The following ARID4A variants were observed in gnomAD, a reference collection of about 807,000 sequenced individuals.
The protein encoded by ARID4A is AT-rich interaction domain 4A.
Under a neutral mutation model 148.6 loss-of-function variants are expected in ARID4A, and 39 were observed. The ratio of observed to expected loss-of-function variants is 0.26; its 90% CI spans 0.20 to 0.34. The LOEUF (loss-of-function observed/expected upper bound fraction) is 0.34. Among genes scored for constraint, ARID4A ranks in the 10% least tolerant of loss-of-function variants. The pLI, the probability that ARID4A is intolerant of heterozygous loss-of-function variation, is 1.00. For synonymous variants in ARID4A, 475 were observed against 481.2 expected (o/e 0.99, Z 0.17); for missense variants, 1,265 against 1,449.1 (o/e 0.87, Z 2.06).
chr14:58,361,190 G>C, intron 19 of ARID4A, 148 bp downstream of exon 19: 1 of 1,291,466 alleles, frequency 7.7e-7, no homozygotes, highest in East Asian at 2.7e-5. Flanking sequence ...CACAGTACAG[G>C]TTGAGTATCC....
In ARID4A at chr14:58,359,170, C is replaced by G. The variant is rs1485011864; in HGVS notation, c.1892C>G (p.Pro631Arg). Residue 631 changes from proline (P) to arginine (R), a missense_variant, in exon 18 of 24, where the codon CCT becomes CGT. Coordinates refer to ENST00000355431, the MANE Select transcript of ARID4A (RefSeq NM_002892.4). ...EWVKADRIIW[P>R]LDKGGPKKKQ... ...GTGAAGGCTGACAGGATAATCTGGC[C>G]TTTGGACAAAGGTGGACCAAAGAAA... The G allele has an allele frequency of 2.5e-6, 4 of 1,586,020 alleles. No homozygotes were observed. The highest frequency in any genetic ancestry group is 3.4e-6 in the Non-Finnish European group (4 of 1,172,592).
Position 58,364,849 on chromosome 14 carries a change from A to G in ARID4A, c.2760A>G (p.Gln920=), listed in dbSNP as rs34854642. 4,510 of 1,614,110 alleles carry G rather than the reference A, an allele frequency of 2.8e-3. 110 individuals carry two copies. The African/African-American group carries it at 0.053, about 19-fold the overall frequency. The change falls in exon 20 of 24, where the codon CAA becomes CAG. Residue 920 remains glutamine, a synonymous_variant. Transcript: ENST00000355431. ...CATCATTGATAGCAGAGTCAAACCA[A>G]TGCATCCAACAACTGACTAGTGAAA... ...GMPSLIAESN[Q]CIQQLTSERF...
rs557566791 is a variant in ARID4A, at chr14:58,364,316, A to G, written c.2227A>G (p.Ile743Val). The G allele has an allele frequency of 5.2e-5, 82 of 1,570,314 alleles. No homozygotes were observed. In the South Asian group the frequency reaches 8.9e-4, roughly 17 times the overall value. ...DEENPKISAH[I>V]LKENDRTQMQ... ...AGAAAATCCAAAGATTTCTGCACAT[A>G]TATTAAAAGAAAATGATAGGACTCA... The change falls in exon 20 of 24, where the codon ATA (isoleucine) becomes GTA (valine). Residue 743 changes from isoleucine (I) to valine (V), a missense_variant. Ile to Val is a conservative substitution (Grantham distance 29). Coordinates refer to ENST00000355431, the MANE Select transcript of ARID4A (RefSeq NM_002892.4).
chr14:58,332,538 G>T (rs2033588672), intron 11 of ARID4A, among the ~76,000 whole-genome samples: 1 of 152,062 alleles, frequency 6.6e-6, no homozygotes, highest in African/African-American at 2.4e-5. Flanking sequence ...AGATTTAGTT[G>T]CTGAATCATT....
chr14:58,348,084 C>T (rs1170928440), intron 15 of ARID4A, among the ~76,000 whole-genome samples: 1 of 151,962 alleles, frequency 6.6e-6, no homozygotes, highest in Non-Finnish European at 1.5e-5. Context: ...TGTTTATATT[C>T]GATCAAGTCA....
chr14:58,371,943 C>T lies in ARID4A; in HGVS notation c.3728C>T (p.Ser1243Leu). ...TCATCAGACACTGGAATGAGTCCCT[C>T]ATCATCATCTCCCCCACAAAATGTA... ...SASSDTGMSP[S>L]SSSPPQNVLA... Residue 1243 changes from serine to leucine, a missense_variant, in exon 24 of 24, where the codon TCA (serine) becomes TTA (leucine). Ser to Leu is a moderately radical substitution (Grantham distance 145). Around this residue, in one of 9 missense-constraint regions of ARID4A, gnomAD observed 666 missense variants for 730.9 expected, o/e 0.91. Coordinates refer to ENST00000355431, the MANE Select transcript of ARID4A (RefSeq NM_002892.4). 1.2e-6 allele frequency: 2 copies of T among 1,612,992 alleles called. No individual in the cohort carries two copies. The highest frequency in any genetic ancestry group is 1.7e-6 in the Non-Finnish European group (2 of 1,179,016).
intron 5 of ARID4A, among the ~76,000 whole-genome samples, chr14:58,307,180 TTTC>T (rs753929817): frequency 3.3e-5 from 5 of 152,252 alleles, no homozygotes; most frequent in Admixed American, 6.5e-5. Context: ...TTTATACTTA[TTTC>T]TTGGTTTAAG....
At chr14:58,312,984 AGTT>A (rs1185778113) in intron 5 of ARID4A, among the ~76,000 whole-genome samples, 8 of 152,324 alleles carry the variant, frequency 5.3e-5, no homozygotes, top group African/African-American at 1.9e-4. Flanking sequence ...TGTATTTAGT[AGTT>A]GATCAGATCC....
chr14:58,314,839 C>G (rs1202676674), intron 5 of ARID4A, among the ~76,000 whole-genome samples: 2 of 152,290 alleles, frequency 1.3e-5, no homozygotes, highest in South Asian at 2.1e-4. Flanking sequence ...AAATCTTAGT[C>G]TGGGTTCAGT....
intron 5 of ARID4A, among the ~76,000 whole-genome samples, chr14:58,313,367 T>C (rs939977180): frequency 1.3e-5 from 2 of 152,168 alleles, no homozygotes; most frequent in African/African-American, 2.4e-5. Context: ...TCATAAGGAA[T>C]GCACAACCTA....
In ARID4A at chr14:58,372,431, T is replaced by G. The variant is rs535292274; in HGVS notation, c.*442T>G. ...TGGTGAGTAGGGGGTTTATGTTGTG[T>G]TTTTTTTCATTATCGTTTTTTTTAT... On this transcript the variant is annotated 3_prime_UTR_variant, in exon 24 of 24. Coordinates refer to ENST00000355431, the MANE Select transcript of ARID4A (RefSeq NM_002892.4). 938 of 230,576 alleles carry G rather than the reference T, an allele frequency of 4.1e-3. 6 individuals are homozygous for G. The highest frequency in any genetic ancestry group is 6.7e-3 in the Non-Finnish European group (780 of 116,658). The allele number at this position is 230,576 out of a possible 1,614,324, so 14.3% of individuals were successfully genotyped here. A position where few individuals can be genotyped will look rare whatever the true frequency, so the allele number is the denominator to read the frequency against.
intron 11 of ARID4A, among the ~76,000 whole-genome samples, chr14:58,336,409 G>C (rs971071597): frequency 6.6e-5 from 10 of 152,128 alleles, no homozygotes; most frequent in African/African-American, 2.4e-4. Context: ...AACCTATGTA[G>C]TCATTTTGAC....
chr14:58,331,996 C>T (rs1276773288), intron 11 of ARID4A, among the ~76,000 whole-genome samples: 121 of 5,218 alleles, frequency 0.023, 1 homozygote, highest in African/African-American at 0.036. Flanking sequence ...ATTTTCCCTA[C>T]CCCCCCCCCC....
intron 18 of ARID4A, among the ~76,000 whole-genome samples, chr14:58,360,016 A>G (rs565183166): frequency 1.3e-5 from 2 of 152,132 alleles, no homozygotes; most frequent in South Asian, 4.1e-4. Context: ...CAGTGAGCCA[A>G]GATCGCGCCA....
chr14:58,341,370 T>TA (rs2034110163), intron 11 of ARID4A, among the ~76,000 whole-genome samples: 2 of 152,358 alleles, frequency 1.3e-5, no homozygotes, highest in Admixed American at 6.5e-5. Context: ...GTTTCATGCT[T>TA]ACGCTGTTTG....
intron 7 of ARID4A, among the ~76,000 whole-genome samples, chr14:58,321,525 C>T (rs999672224): frequency 1.3e-5 from 2 of 152,060 alleles, no homozygotes; most frequent in Non-Finnish European, 2.9e-5. Context: ...ATCCTAGGCT[C>T]ATGTTAATTT....
At chr14:58,333,843 G>C (rs1287407624) in intron 11 of ARID4A, among the ~76,000 whole-genome samples, 1 of 151,912 alleles carries the variant, frequency 6.6e-6, no homozygotes, top group African/African-American at 2.4e-5. Context: ...ATGCTAAATT[G>C]GTGGAATTTA....
intron 16 of ARID4A, chr14:58,351,803 T>A (rs2034651252): frequency 6.6e-6 from 1 of 152,344 alleles, no homozygotes; most frequent in South Asian, 2.1e-4. Flanking sequence ...CCCCTGATTC[T>A]AGTTTGGAAA....
At chr14:58,369,508 C>T (rs916042173) in intron 23 of ARID4A, among the ~76,000 whole-genome samples, 7 of 151,532 alleles carry the variant, frequency 4.6e-5, no homozygotes, top group Non-Finnish European at 7.4e-5. Flanking sequence ...TGCCTGTAAT[C>T]CCAGCCACTC....
Sources: allele counts gnomAD v4.1 joint callset (sites outside exome capture counted in the v4.1 genomes callset), GRCh38; gene constraint gnomAD v4.1.1; regional missense constraint gnomAD v4.1.1; transcripts MANE v1.5; gene names NCBI Gene and HGNC (gene_info 2026-07-23, HGNC 2026-07-21).